The following QRICH1 variants were observed in gnomAD, a reference collection of about 807,000 sequenced individuals.
QRICH1 encodes transcriptional regulator QRICH1.
In QRICH1, 16 loss-of-function variants were observed where a neutral mutation model predicts 87.1. The ratio of observed to expected loss-of-function variants is 0.18; its 90% CI spans 0.12 to 0.28. The LOEUF (loss-of-function observed/expected upper bound fraction) is 0.28, where lower values mean the gene tolerates loss of function less well. Among genes scored for constraint, QRICH1 ranks in the 10% least tolerant of loss-of-function variants. The pLI is 1.00. For missense variants in QRICH1, 647 were observed against 951.7 expected (o/e 0.68, Z 4.21); for synonymous variants, 367 against 368.4 (o/e 1.00, Z 0.05).
intron 1 of QRICH1, among the ~76,000 whole-genome samples, chr3:49,087,642 G>A (rs986350105): frequency 2.0e-5 from 3 of 151,144 alleles, no homozygotes; most frequent in South Asian, 2.1e-4. Context: ...CTGGAAGGCC[G>A]AGTCGGGCAT....
At chr3:49,094,183 T>C (rs903292286), upstream of QRICH1, 5 of 392,630 alleles carry the variant, frequency 1.3e-5, no homozygotes, top group African/African-American at 1.0e-4. Context: ...GTGGCCGCGC[T>C]TCTGGCCGCT....
In QRICH1 at chr3:49,034,181, G is replaced by A. The variant is rs1338957044; in HGVS notation, c.1787-953C>T. 5.3e-5 allele frequency among the ~76,000 whole-genome samples: 8 copies of A among 151,424 alleles called. No homozygotes were observed. In the South Asian group the frequency reaches 1.5e-3, roughly 28 times the overall value. On this transcript the variant is annotated intron_variant, in intron 6 of 9. Coordinates refer to ENST00000395443, the MANE Select transcript of QRICH1 (RefSeq NM_198880.3). ...AGGAAGACCAGGCATGGTGGCTCAC[G>A]CCTGTAATCCGAGAACTTTGGGAGG...
intron 1 of QRICH1, among the ~76,000 whole-genome samples, chr3:49,081,504 T>C (rs2042058938): frequency 1.3e-5 from 2 of 152,236 alleles, no homozygotes; most frequent in African/African-American, 2.4e-5. Flanking sequence ...CCTGATTTTT[T>C]GTTGTTGGTT....
intron 2 of QRICH1, among the ~76,000 whole-genome samples, chr3:49,074,021 A>ATCGG (rs1301989045): frequency 5.3e-5 from 8 of 151,856 alleles, no homozygotes; most frequent in African/African-American, 1.9e-4. Context: ...GGACTCAATG[A>ATCGG]TCCGTCCACC....
chr3:49,036,138 C>T (rs2093273987), intron 6 of QRICH1, among the ~76,000 whole-genome samples: 1 of 151,924 alleles, frequency 6.6e-6, no homozygotes, highest in Non-Finnish European at 1.5e-5. Flanking sequence ...TGACTGAGGG[C>T]CAGGGCTCCT....
chr3:49,059,245 G>A (rs922338111), intron 2 of QRICH1, among the ~76,000 whole-genome samples: 1 of 147,650 alleles, frequency 6.8e-6, no homozygotes, highest in African/African-American at 2.5e-5. Flanking sequence ...GATTACAGGC[G>A]TGAGCCATCA....
Position 49,032,732 on chromosome 3 carries a change from G to A in QRICH1, c.1937C>T (p.Ala646Val). The part of the protein sequence containing the change: ...LKTVDQHMKL[A>V]FSKVLRQTKK... ...TGTCTGTCGCAAGACCTTGGAGAAG[G>A]CCAGCTTCATGTGCTGGTCCACTGT... Residue 646 changes from alanine (A) to valine (V), a missense_variant, in exon 8 of 10, where the codon GCC becomes GTC. By Grantham distance (64) the Ala-to-Val change is moderately conservative. Transcript: ENST00000395443. 6.2e-7 allele frequency: 1 copy of A among 1,609,864 alleles called. No homozygotes were observed. The highest frequency in any genetic ancestry group is 8.5e-7 in the Non-Finnish European group (1 of 1,178,746).
rs1336558900 is a variant in QRICH1, at chr3:49,030,409, G to C, written c.*43C>G. 6.3e-7 allele frequency: 1 copy of C among 1,583,130 alleles called. No individual in the cohort carries two copies. The highest frequency in any genetic ancestry group is 8.6e-7 in the Non-Finnish European group (1 of 1,159,510). ...TCTTCTTTAGTGTGAAAGTCTGTCT[G>C]GTTTTTCCTGGCTGGTTTCTCTTGT... On this transcript the variant is annotated 3_prime_UTR_variant, in exon 10 of 10. Coordinates refer to ENST00000395443, the MANE Select transcript of QRICH1 (RefSeq NM_198880.3).
chr3:49,057,856 A>G lies in QRICH1; in HGVS notation c.344T>C (p.Val115Ala), dbSNP rs761055826. 6.2e-7 allele frequency: 1 copy of G among 1,613,958 alleles called. No homozygotes were observed. Among genetic ancestry groups the G allele is most frequent in the African/African-American group, 1.3e-5 (1 of 74,890 alleles). ...QVQVQQSPQQ[V>A]SAQLSPQLTV... is the part of the protein sequence containing the mutation. Reference sequence around the variant, plus strand: ...GAGTTGTGGGGAGAGCTGAGCCGAGACCTGTTGCGGAGACTGCTGTACCTG... The same window carrying G: ...GAGTTGTGGGGAGAGCTGAGCCGAGGCCTGTTGCGGAGACTGCTGTACCTG... Residue 115 changes from valine to alanine, a missense_variant, in exon 3 of 10, where the codon GTC becomes GCC. By Grantham distance (64) the Val-to-Ala change is moderately conservative (BLOSUM62 0). This residue lies in a region of QRICH1 where 156 missense variants were observed against 164.5 expected (regional missense o/e 0.95). Transcript: ENST00000395443. This position sits in a 1 kb window ranked among gnomAD's most constrained non-coding sequence, Gnocchi z 5.4.
At chr3:49,034,260 T>C (rs544111139) in intron 6 of QRICH1, among the ~76,000 whole-genome samples, 4 of 151,598 alleles carry the variant, frequency 2.6e-5, no homozygotes, top group African/African-American at 4.8e-5. Context: ...CTGGGCAACA[T>C]AGCCAGACCT....
intron 2 of QRICH1, among the ~76,000 whole-genome samples, chr3:49,069,346 C>G (rs2093487516): frequency 6.6e-6 from 1 of 151,674 alleles, no homozygotes; most frequent in Non-Finnish European, 1.5e-5. Context: ...TCGTGATCCA[C>G]CCGCCTTGTC....
intron 9 of QRICH1, 83 bp downstream of exon 9, chr3:49,032,100 T>A: frequency 8.7e-7 from 1 of 1,145,204 alleles, no homozygotes; most frequent in South Asian, 1.3e-5. Flanking sequence ...CTCTCCCCTA[T>A]GATAAGTGAT....
intron 1 of QRICH1, chr3:49,092,209 G>A (rs1303304432): frequency 6.6e-6 from 1 of 152,140 alleles, no homozygotes; most frequent in Admixed American, 6.6e-5. Context: ...TATCCTAAGA[G>A]GAGAAAACTG....
chr3:49,054,114 A>C (rs2093387539), intron 3 of QRICH1, among the ~76,000 whole-genome samples: 1 of 152,208 alleles, frequency 6.6e-6, no homozygotes, highest in African/African-American at 2.4e-5. Flanking sequence ...GACTTTCCCA[A>C]ATCAGATACA....
At chr3:49,062,986 C>G (rs904062405) in intron 2 of QRICH1, among the ~76,000 whole-genome samples, 36 of 151,032 alleles carry the variant, frequency 2.4e-4, no homozygotes, top group African/African-American at 8.5e-4. Flanking sequence ...GGTGACAGAA[C>G]GAGACTCCGT....
chr3:49,047,479 G>GTTTTTTTT (rs397724825), intron 3 of QRICH1, among the ~76,000 whole-genome samples: 1 of 109,086 alleles, frequency 9.2e-6, no homozygotes. Context: ...ACTTTTAAAT[G>GTTTTTTTT]TTTTTTTTTT....
intron 3 of QRICH1, among the ~76,000 whole-genome samples, chr3:49,050,248 CAAAAAAAAA>C (rs527597101): frequency 3.8e-5 from 2 of 52,416 alleles, no homozygotes; most frequent in Non-Finnish European, 6.7e-5. Flanking sequence ...GACTCCGTCT[CAAAAAAAAA>C]AAAAAAAAAA....
intron 6 of QRICH1, among the ~76,000 whole-genome samples, chr3:49,036,904 A>C (rs1449204435): frequency 1.3e-5 from 2 of 151,868 alleles, no homozygotes; most frequent in Non-Finnish European, 2.9e-5. Context: ...CTCTACAAAA[A>C]ATACAAAAAT....
intron 4 of QRICH1, 101 bp from the exon 5 acceptor site, chr3:49,046,680 A>C: frequency 5.7e-6 from 7 of 1,238,678 alleles, no homozygotes; most frequent in Non-Finnish European, 6.7e-6. Context: ...AGAAATGCTC[A>C]CTTGTATCTA....
Sources: gnomAD v4.1 joint callset for allele counts (sites outside exome capture counted in the v4.1 genomes callset) on GRCh38, gnomAD v4.1.1 for gene constraint, gnomAD v4.1.1 regional missense constraint, Gnocchi (gnomAD v3.1) non-coding constraint, MANE v1.5 for transcripts, NCBI Gene and HGNC (gene_info 2026-07-23, HGNC 2026-07-21) for gene names.